CYB5R4: variants seen among roughly 807,000 people sequenced by gnomAD.
The protein encoded by CYB5R4 is cytochrome b5 reductase 4, also known as N-terminal cytochrome b5 and cytochrome b5 oxidoreductase domain-containing protein.
A neutral mutation model predicts 70.2 loss-of-function variants in CYB5R4; 55 were observed. The observed-to-expected ratio is 0.78, with a 90% CI of 0.63 to 0.98. The LOEUF (loss-of-function observed/expected upper bound fraction) is 0.98. Ranked by LOEUF, CYB5R4 falls within the 50% of genes least tolerant of loss-of-function variation. The probability of loss-of-function intolerance (pLI) is 0.00; values close to 1 mark genes in which losing one functional copy is unlikely to be tolerated. For synonymous variants in CYB5R4, 197 were observed against 199.5 expected (o/e 0.99, Z 0.11); for missense variants, 562 against 612.6 (o/e 0.92, Z 0.87).
chr6:83,924,850 C>G (rs1202737013), intron 10 of CYB5R4, among the ~76,000 whole-genome samples: 2 of 152,126 alleles, frequency 1.3e-5, no homozygotes, highest in East Asian at 3.9e-4. Context: ...CCCACTTGTG[C>G]TTAGACTGTT....
At position 83,895,457 on chromosome 6, in the gene CYB5R4, C is replaced by T. The variant is rs956811076; in HGVS notation, c.330+1835C>T. 3.3e-5 allele frequency among the ~76,000 whole-genome samples: 5 copies of T among 152,112 alleles called. 1 individual carries two copies. The South Asian group carries it at 6.2e-4, about 19-fold the overall frequency. ...CTGGGATTATAGGTGTGAGCCATTG[C>T]GCCTGGCCTGGTATTTGTTATCTAG... On this transcript the variant is annotated intron_variant, in intron 3 of 15. Transcript: ENST00000369681.
At chr6:83,864,691 G>GA (rs530702369) in intron 2 of CYB5R4, among the ~76,000 whole-genome samples, 21 of 149,702 alleles carry the variant, frequency 1.4e-4, no homozygotes, top group South Asian at 4.2e-4. Context: ...AATTCTGTTG[G>GA]AAAAAAAAAA....
intron 2 of CYB5R4, among the ~76,000 whole-genome samples, chr6:83,880,757 CTAGT>C (rs748954749): frequency 6.6e-6 from 1 of 151,996 alleles, no homozygotes; most frequent in Non-Finnish European, 1.5e-5. Flanking sequence ...ATAATTATGC[CTAGT>C]TAATCTTCTG....
rs528900366 is a variant in CYB5R4 at position 83,944,762 on chromosome 6, C to CAA, written c.1346+4170_1346+4171dup. Reference sequence around the variant, plus strand: ...GAAGATTTACCAAGCCAATGGAAAGCAAAAAAAAAAGCAGGAGTTGCAATC... The same window carrying CAA: ...GAAGATTTACCAAGCCAATGGAAAGCAAAAAAAAAAAAGCAGGAGTTGCAATC... On this transcript the variant is annotated intron_variant, in intron 14 of 15. Coordinates refer to ENST00000369681, the MANE Select transcript of CYB5R4 (RefSeq NM_016230.4). Among the ~76,000 whole-genome samples, 857 of 140,052 alleles carry CAA rather than the reference C, an allele frequency of 6.1e-3. 4 individuals carry two copies. The highest frequency in any genetic ancestry group is 0.022 in the African/African-American group (826 of 38,220). 91.9% of individuals were successfully genotyped at this position (140,052 alleles called of 152,430 possible).
chr6:83,954,272 G>A (rs921342834), intron 14 of CYB5R4, among the ~76,000 whole-genome samples: 23 of 152,108 alleles, frequency 1.5e-4, no homozygotes, highest in South Asian at 8.3e-4. Context: ...TTTTCTCAGC[G>A]TATGAAAAGG....
chr6:83,929,389 T>C (rs987048130), intron 10 of CYB5R4: 1 of 152,178 alleles, frequency 6.6e-6, no homozygotes, highest in Non-Finnish European at 1.5e-5. Context: ...TGAAAAACTT[T>C]TAATATAATG....
At chr6:83,934,774 T>C (rs753146051) in intron 11 of CYB5R4, 39 bp downstream of exon 11, 4 of 1,558,578 alleles carry the variant, frequency 2.6e-6, no homozygotes, top group Middle Eastern at 3.4e-4. Flanking sequence ...ATTTATTCTT[T>C]TATAAGCAGT....
At chr6:83,939,210 G>A (rs1238044249) in intron 12 of CYB5R4, among the ~76,000 whole-genome samples, 1 of 152,158 alleles carries the variant, frequency 6.6e-6, no homozygotes, top group Admixed American at 6.5e-5. Flanking sequence ...GAAAAATTAT[G>A]AGCATCCAAG....
chr6:83,938,871 GC>G (rs2129142885), intron 12 of CYB5R4, among the ~76,000 whole-genome samples: 1 of 148,918 alleles, frequency 6.7e-6, no homozygotes, highest in African/African-American at 2.5e-5. Context: ...TGCTCTTGTT[GC>G]CCAGGCTGGA....
intron 2 of CYB5R4, among the ~76,000 whole-genome samples, chr6:83,875,634 A>G (rs971598593): frequency 1.1e-4 from 17 of 152,206 alleles, no homozygotes; most frequent in African/African-American, 4.1e-4. Flanking sequence ...CAGCTACTCC[A>G]TAGGACAGAG....
At chr6:83,888,328 G>A (rs897634242) in intron 2 of CYB5R4, among the ~76,000 whole-genome samples, 1 of 152,072 alleles carries the variant, frequency 6.6e-6, no homozygotes, top group African/African-American at 2.4e-5. Context: ...TCACTTTATT[G>A]TACCTTGCAG....
chr6:83,895,365 C>G (rs1401253318), intron 3 of CYB5R4, among the ~76,000 whole-genome samples: 1 of 152,036 alleles, frequency 6.6e-6, no homozygotes, highest in Non-Finnish European at 1.5e-5. Context: ...GGGGTTTCGC[C>G]ACGTTGACCA....
rs548931086 is a variant in CYB5R4 at position 83,893,560 on chromosome 6, C to T, written c.268C>T (p.Pro90Ser). 6.2e-7 allele frequency: 1 copy of T among 1,613,024 alleles called. No individual in the cohort carries two copies. The highest frequency in any genetic ancestry group is 8.5e-7 in the Non-Finnish European group (1 of 1,179,198). The change falls in exon 3 of 16, where the codon CCT becomes TCT. Residue 90 changes from proline (P) to serine (S), a missense_variant. Physicochemically the swap from Pro to Ser is moderately conservative, Grantham distance 74. Transcript: ENST00000369681. ...YNVSPYMEYH[P>S]GGEDELMRAA... is the part of the protein sequence containing the mutation. ...TGTCAGCCCTTATATGGAGTATCAT[C>T]CTGGTGGAGAAGATGAACTAATGAG...
intron 2 of CYB5R4, among the ~76,000 whole-genome samples, chr6:83,869,458 G>T (rs1415769421): frequency 6.6e-6 from 1 of 152,120 alleles, no homozygotes; most frequent in Non-Finnish European, 1.5e-5. Context: ...TATCTTTGTT[G>T]CCCAGCGTGC....
chr6:83,895,125 T>G (rs2099461665), intron 3 of CYB5R4, among the ~76,000 whole-genome samples: 1 of 152,160 alleles, frequency 6.6e-6, no homozygotes, highest in Non-Finnish European at 1.5e-5. Flanking sequence ...AAGTTCCCAT[T>G]GTTATTTGGT....
chr6:83,950,886 A>G (rs540075833), intron 14 of CYB5R4, among the ~76,000 whole-genome samples: 22 of 152,178 alleles, frequency 1.4e-4, no homozygotes, highest in Non-Finnish European at 2.6e-4. Context: ...TTTTATAACT[A>G]CATTTCTACT....
At chr6:83,913,014 C>G (rs2129138420) in intron 4 of CYB5R4, among the ~76,000 whole-genome samples, 1 of 152,208 alleles carries the variant, frequency 6.6e-6, no homozygotes, top group South Asian at 2.1e-4. Flanking sequence ...TTACCTGGGA[C>G]AATTTTTCAA....
chr6:83,868,783 T>C (rs1334009736), intron 2 of CYB5R4, among the ~76,000 whole-genome samples: 2 of 152,208 alleles, frequency 1.3e-5, no homozygotes, highest in Admixed American at 6.5e-5. Flanking sequence ...GATCAGACTG[T>C]TTTTACTGTA....
chr6:83,905,218 C>A (rs1386551800), intron 3 of CYB5R4, among the ~76,000 whole-genome samples: 1 of 152,112 alleles, frequency 6.6e-6, no homozygotes, highest in African/African-American at 2.4e-5. Context: ...CCACACCTGG[C>A]TAATTTTTTT....
Sources: allele counts gnomAD v4.1 joint callset (sites outside exome capture counted in the v4.1 genomes callset), GRCh38; gene constraint gnomAD v4.1.1; transcripts MANE v1.5; gene names NCBI Gene and HGNC (gene_info 2026-07-23, HGNC 2026-07-21).